Variants in NAV2 observed in about 807,000 individuals in gnomAD.
The protein encoded by NAV2 is helicase, APC down-regulated 1.
NAV2 carries 54 observed loss-of-function variants against 223.2 expected under a neutral mutation model. That is an observed-to-expected ratio of 0.24 (90% CI 0.19 to 0.30). The LOEUF (loss-of-function observed/expected upper bound fraction) is 0.30, where lower values mean the gene tolerates loss of function less well. Ranked by LOEUF, NAV2 falls within the 10% of genes least tolerant of loss-of-function variation. The pLI is 1.00. For missense variants in NAV2, 2,806 were observed against 3,147.5 expected (o/e 0.89, Z 2.60); for synonymous variants, 1,279 against 1,239.3 (o/e 1.03, Z -0.67).
At chr11:19,740,802 G>A (rs183451654) in intron 1 of NAV2, among the ~76,000 whole-genome samples, 1 of 152,264 alleles carries the variant, frequency 6.6e-6, no homozygotes, top group East Asian at 1.9e-4. Context: ...AGCCTATAAG[G>A]TAGACACTAT....
chr11:19,670,072 C>T (rs1476080235), intron 1 of NAV2, among the ~76,000 whole-genome samples: 1 of 152,328 alleles, frequency 6.6e-6, no homozygotes. Context: ...GTCATGCCCA[C>T]CCTGCAAGCT....
At chr11:19,903,196 G>A (rs2042590447) in intron 6 of NAV2, among the ~76,000 whole-genome samples, 1 of 152,208 alleles carries the variant, frequency 6.6e-6, no homozygotes, top group Non-Finnish European at 1.5e-5. Context: ...TCCTGATGAA[G>A]GTGTCGGGGT....
chr11:19,351,371 C>G (rs1853302636), intron 1 of NAV2, among the ~76,000 whole-genome samples: 2 of 152,222 alleles, frequency 1.3e-5, no homozygotes, highest in Admixed American at 1.3e-4. Flanking sequence ...ACACTCTTAG[C>G]ACCTTCTGGA....
chr11:20,106,209 A>ATGTGTGTG (rs1445402169), intron 35 of NAV2, among the ~76,000 whole-genome samples: 1 of 74,906 alleles, frequency 1.3e-5, no homozygotes, highest in African/African-American at 4.4e-5. Flanking sequence ...ATATATATAT[A>ATGTGTGTG]TATATATATA....
chr11:19,428,162 A>T (rs1850906956), intron 1 of NAV2, among the ~76,000 whole-genome samples: 1 of 152,196 alleles, frequency 6.6e-6, no homozygotes, highest in African/African-American at 2.4e-5. Flanking sequence ...TTTTTAAGAA[A>T]ACCCAGAAGT....
At chr11:19,918,977 G>T (rs1165675059) in intron 6 of NAV2, among the ~76,000 whole-genome samples, 1 of 152,060 alleles carries the variant, frequency 6.6e-6, no homozygotes, top group African/African-American at 2.4e-5. Context: ...TATATCCATT[G>T]CTGTATCCCT....
chr11:19,377,756 T>G (rs1197537963), intron 1 of NAV2, among the ~76,000 whole-genome samples: 3 of 152,206 alleles, frequency 2.0e-5, no homozygotes, highest in Non-Finnish European at 4.4e-5. Context: ...GAATATGTAT[T>G]GGGAAGGATA....
intron 1 of NAV2, among the ~76,000 whole-genome samples, chr11:19,401,093 T>G (rs1258052582): frequency 6.6e-6 from 1 of 152,188 alleles, no homozygotes; most frequent in Non-Finnish European, 1.5e-5. Context: ...CCTAATGGAT[T>G]TAGGAAACAA....
chr11:19,801,163 G>A (rs1246458931), intron 1 of NAV2, among the ~76,000 whole-genome samples: 1 of 152,210 alleles, frequency 6.6e-6, no homozygotes, highest in Non-Finnish European at 1.5e-5. Flanking sequence ...CAGGGATGTG[G>A]CAGCCAGACA....
intron 1 of NAV2, among the ~76,000 whole-genome samples, chr11:19,523,642 T>C (rs1167736142): frequency 1.3e-5 from 2 of 152,234 alleles, no homozygotes; most frequent in Admixed American, 6.5e-5. Context: ...CTCTAGGAAG[T>C]CCATGTGCCA....
rs138246204 is a variant in NAV2, at chr11:19,898,912, A to T, written c.931+6318A>T. On this transcript the variant is annotated intron_variant, in intron 6 of 37. Transcript: ENST00000349880. ...AACAAGACCATTTGATAAAAACTGGACTTGTTTACTGACACTGCTTTGACA... is the reference window on the plus strand; with the variant it reads ...AACAAGACCATTTGATAAAAACTGGTCTTGTTTACTGACACTGCTTTGACA... 7.3e-4 allele frequency among the ~76,000 whole-genome samples: 111 copies of T among 152,306 alleles called. 1 individual carries two copies. The highest frequency in any genetic ancestry group is 2.5e-3 in the African/African-American group (105 of 41,568).
At chr11:19,946,583 G>A in intron 9 of NAV2, 74 bp downstream of exon 9, 1 of 1,292,552 alleles carries the variant, frequency 7.7e-7, no homozygotes, top group South Asian at 1.3e-5. Flanking sequence ...CATAGCAGTA[G>A]CAAAGCGATT....
intron 1 of NAV2, among the ~76,000 whole-genome samples, chr11:19,431,834 C>G (rs950162329): frequency 1.3e-5 from 2 of 152,228 alleles, no homozygotes; most frequent in Non-Finnish European, 2.9e-5. Flanking sequence ...AGGAAAAACA[C>G]AGCTTTTGGA....
In NAV2 at chr11:20,054,356, A is replaced by G. The variant is rs908086668; in HGVS notation, c.4642+116A>G. The G allele has an allele frequency of 2.4e-5, 24 of 1,007,758 alleles. No individual in the cohort carries two copies. In the East Asian group the frequency reaches 6.4e-4, roughly 27 times the overall value. 62.4% of individuals were successfully genotyped at this position (1,007,758 alleles called of 1,614,324 possible). ...TTGGGGAGCAGGTGGTTTTGGTTAC[A>G]TGGGTAAGTTCTTTAGTGGTGATTT... On this transcript the variant is annotated intron_variant, in intron 18 of 37. Transcript: ENST00000349880.
intron 4 of NAV2, among the ~76,000 whole-genome samples, chr11:19,875,278 GAACATC>G (rs1334118478): frequency 2.0e-5 from 3 of 152,140 alleles, no homozygotes; most frequent in African/African-American, 7.2e-5. Flanking sequence ...CTAACCTACT[GAACATC>G]ATAGCTCAGC....
At chr11:19,657,796 G>A (rs1565144457) in intron 1 of NAV2, among the ~76,000 whole-genome samples, 1 of 152,172 alleles carries the variant, frequency 6.6e-6, no homozygotes, top group Non-Finnish European at 1.5e-5. Flanking sequence ...GAGAGGATGA[G>A]ACAAGCAACA....
intron 1 of NAV2, among the ~76,000 whole-genome samples, chr11:19,775,032 C>G (rs2152624193): frequency 6.6e-6 from 1 of 152,240 alleles, no homozygotes; most frequent in Non-Finnish European, 1.5e-5. Flanking sequence ...TTCACACAAT[C>G]AGGATTTTGG....
chr11:19,594,770 C>T (rs539986360), intron 1 of NAV2, among the ~76,000 whole-genome samples: 31 of 152,124 alleles, frequency 2.0e-4, no homozygotes, highest in East Asian at 9.6e-4. Context: ...ACCTGAGCAG[C>T]GTGCTTAACT....
chr11:20,076,892 C>T (rs1458321978), intron 22 of NAV2, among the ~76,000 whole-genome samples: 5 of 152,104 alleles, frequency 3.3e-5, no homozygotes, highest in South Asian at 2.1e-4. Flanking sequence ...TATAAAACTA[C>T]GTGAAAGCCT....
Sources: allele counts gnomAD v4.1 joint callset (sites outside exome capture counted in the v4.1 genomes callset), GRCh38; gene constraint gnomAD v4.1.1; transcripts MANE v1.5; gene names NCBI Gene and HGNC (gene_info 2026-07-23, HGNC 2026-07-21).